The following GRM5 variants were observed in gnomAD, a reference collection of about 807,000 sequenced individuals.
GRM5 encodes the protein glutamate metabotropic receptor 5.
In GRM5, 19 loss-of-function variants were observed where a neutral mutation model predicts 83.1. That is an observed-to-expected ratio of 0.23 (90% CI 0.16 to 0.34). The LOEUF (loss-of-function observed/expected upper bound fraction) is 0.34. Among genes scored for constraint, GRM5 ranks in the 10% least tolerant of loss-of-function variants. The pLI, the probability that GRM5 is intolerant of heterozygous loss-of-function variation, is 1.00. For missense variants in GRM5, 1,160 were observed against 1,588.3 expected (o/e 0.73, Z 4.58); for synonymous variants, 675 against 633.6 (o/e 1.07, Z -0.98).
chr11:88,896,375 A>T (rs1336378920), intron 2 of GRM5, among the ~76,000 whole-genome samples: 4 of 151,970 alleles, frequency 2.6e-5, no homozygotes, highest in Non-Finnish European at 5.9e-5. Context: ...GGGATACGAA[A>T]AAAAGGAGGA....
intron 3 of GRM5, among the ~76,000 whole-genome samples, chr11:88,766,961 C>G (rs956434648): frequency 2.6e-5 from 4 of 151,914 alleles, no homozygotes; most frequent in Non-Finnish European, 4.4e-5. Flanking sequence ...CTCAACATCA[C>G]TAATCGTTAG....
chr11:88,717,225 T>TA (rs903407958), intron 3 of GRM5, among the ~76,000 whole-genome samples: 5 of 151,872 alleles, frequency 3.3e-5, no homozygotes, highest in African/African-American at 4.8e-5. Flanking sequence ...TTACATGCTT[T>TA]AAAAAAAGCC....
intron 3 of GRM5, among the ~76,000 whole-genome samples, chr11:88,782,441 T>G (rs1001232157): frequency 6.6e-6 from 1 of 152,094 alleles, no homozygotes; most frequent in Non-Finnish European, 1.5e-5. Flanking sequence ...ATAAGACTTA[T>G]TCACTGTCAC....
At chr11:88,801,295 T>C (rs564040398) in intron 3 of GRM5, among the ~76,000 whole-genome samples, 1 of 152,240 alleles carries the variant, frequency 6.6e-6, no homozygotes, top group East Asian at 1.9e-4. Context: ...AGATTTTTAT[T>C]TGTGTCTCAC....
At chr11:88,709,434 T>C (rs2135382477) in intron 3 of GRM5, among the ~76,000 whole-genome samples, 1 of 152,180 alleles carries the variant, frequency 6.6e-6, no homozygotes, top group Admixed American at 6.5e-5. Flanking sequence ...ATGACTTGAT[T>C]TGCAATATCC....
intron 3 of GRM5, among the ~76,000 whole-genome samples, chr11:88,785,501 T>C (rs138605772): frequency 1.3e-5 from 2 of 152,224 alleles, no homozygotes; most frequent in Admixed American, 6.6e-5. Context: ...CCATTACTTA[T>C]GACCTCAAAA....
intron 2 of GRM5, among the ~76,000 whole-genome samples, chr11:89,042,459 C>T (rs1017920725): frequency 5.9e-5 from 9 of 152,064 alleles, no homozygotes; most frequent in Non-Finnish European, 8.8e-5. Flanking sequence ...TTTCCTTAAC[C>T]GTAAAATACA....
At chr11:89,019,849 T>C (rs540005912) in intron 2 of GRM5, among the ~76,000 whole-genome samples, 1 of 152,310 alleles carries the variant, frequency 6.6e-6, no homozygotes, top group Admixed American at 6.5e-5. Flanking sequence ...GGTTTAATCA[T>C]TCATATGATT....
At chr11:88,715,898 G>A (rs1209922840) in intron 3 of GRM5, among the ~76,000 whole-genome samples, 1 of 151,854 alleles carries the variant, frequency 6.6e-6, no homozygotes, top group African/African-American at 2.4e-5. Context: ...AGACTATCTG[G>A]GTTTGGGTCT....
chr11:88,835,770 G>A (rs1459660648), intron 3 of GRM5, among the ~76,000 whole-genome samples: 1 of 152,214 alleles, frequency 6.6e-6, no homozygotes, highest in Non-Finnish European at 1.5e-5. Context: ...TATATCCAAA[G>A]AGTACATTTC....
intron 2 of GRM5, among the ~76,000 whole-genome samples, chr11:88,943,660 C>G (rs1412958976): frequency 1.3e-5 from 2 of 151,966 alleles, no homozygotes; most frequent in African/African-American, 4.8e-5. Context: ...TTCCCACCAG[C>G]AACAAAAAGT....
Position 88,525,545 on chromosome 11 carries a change from C to A in GRM5, c.2631-141G>T. The A allele has an allele frequency of 4.6e-6, 3 of 652,556 alleles. 1 individual carries two copies. In the South Asian group the frequency reaches 5.5e-5, roughly 12 times the overall value. 40.4% of individuals were successfully genotyped at this position (652,556 alleles called of 1,614,324 possible). A position where few individuals can be genotyped will look rare whatever the true frequency, so the allele number is the denominator to read the frequency against. ...TCCTGCTTCTCAATGCAATGACCAA[C>A]CTGTGATACTTATTAGATGAATGTG... On this transcript the variant is annotated intron_variant, in intron 8 of 9. Transcript: ENST00000305447.
At chr11:88,742,774 A>C (rs1435886171) in intron 3 of GRM5, among the ~76,000 whole-genome samples, 1 of 152,086 alleles carries the variant, frequency 6.6e-6, no homozygotes, top group African/African-American at 2.4e-5. Context: ...GGGTGTAAGG[A>C]ATGCATTTTT....
chr11:88,616,669 G>A (rs1591385000), intron 4 of GRM5, among the ~76,000 whole-genome samples: 1 of 152,244 alleles, frequency 6.6e-6, no homozygotes, highest in South Asian at 2.1e-4. Flanking sequence ...AGTTAAGTAA[G>A]TAGACGGATT....
At chr11:88,679,909 TTCA>T (rs2135343853) in intron 3 of GRM5, among the ~76,000 whole-genome samples, 1 of 142,590 alleles carries the variant, frequency 7.0e-6, no homozygotes, top group South Asian at 2.4e-4. Context: ...TTCCTCATTC[TTCA>T]TCTTCTTAAT....
intron 1 of GRM5, among the ~76,000 whole-genome samples, chr11:89,061,816 G>C (rs1375854561): frequency 6.6e-6 from 1 of 152,198 alleles, no homozygotes; most frequent in Non-Finnish European, 1.5e-5. Context: ...ACATTGAAGA[G>C]TTTGGGCTTT....
chr11:88,509,569 C>T (rs2135074339), intron 9 of GRM5, 65 bp from the exon 10 acceptor site: 1 of 1,236,600 alleles, frequency 8.1e-7, no homozygotes, highest in Non-Finnish European at 1.2e-6. Context: ...ATGCCGCTTC[C>T]CCAATGGTGG....
chr11:88,924,239 A>T (rs1945747010), intron 2 of GRM5, among the ~76,000 whole-genome samples: 1 of 92,184 alleles, frequency 1.1e-5, no homozygotes, highest in Admixed American at 1.4e-4. Context: ...ATTTTGGAAA[A>T]TAGTTTGGAG....
intron 7 of GRM5, among the ~76,000 whole-genome samples, chr11:88,568,386 T>C (rs1272840501): frequency 6.6e-6 from 1 of 152,050 alleles, no homozygotes; most frequent in Non-Finnish European, 1.5e-5. Context: ...ATAAATGTGT[T>C]GGTTTGATGG....
Sources: allele counts gnomAD v4.1 joint callset (sites outside exome capture counted in the v4.1 genomes callset), GRCh38; gene constraint gnomAD v4.1.1; transcripts MANE v1.5; gene names NCBI Gene and HGNC (gene_info 2026-07-23, HGNC 2026-07-21).